The following CTF1 variants were observed in gnomAD, a reference collection of about 807,000 sequenced individuals.
The protein encoded by CTF1 is cardiotrophin-1.
A neutral mutation model predicts 10.9 loss-of-function variants in CTF1; 9 were observed. The ratio of observed to expected loss-of-function variants is 0.83; its 90% CI spans 0.50 to 1.44. The LOEUF (loss-of-function observed/expected upper bound fraction) is 1.44, where lower values mean the gene tolerates loss of function less well. Among genes scored for constraint, CTF1 ranks in the 40% most tolerant of loss-of-function variants. The pLI, the probability that CTF1 is intolerant of heterozygous loss-of-function variation, is 0.00. For missense variants in CTF1, 259 were observed against 275.3 expected, an observed-to-expected ratio of 0.94 and a Z score of 0.42; for synonymous variants, 133 against 138.8, an observed-to-expected ratio of 0.96 and a Z score of 0.29.
chr16:30,901,960 G>T, intron 2 of CTF1, 118 bp from the exon 3 acceptor site: 1 of 929,682 alleles, frequency 1.1e-6, no homozygotes. Context: ...TGTTAGGAGG[G>T]ATTATCATCT....
chr16:30,902,245 G>A lies in CTF1; in HGVS notation c.312G>A (p.Val104=). 1 of 1,121,298 alleles carries A rather than the reference G, an allele frequency of 8.9e-7. No individual in the cohort carries two copies. Among genetic ancestry groups the A allele is most frequent in the Non-Finnish European group, 1.1e-6 (1 of 919,574 alleles). 69.5% of individuals were successfully genotyped at this position (1,121,298 alleles called of 1,614,324 possible). Residue 104 remains valine (V), a synonymous_variant, in exon 3 of 3, where the codon GTG becomes GTA. Transcript: ENST00000279804. Reference sequence around the variant, plus strand: ...CGCTGCCCCCGCTGCTGGACGCAGTGTGTCGCCGCCAGGCCGAGCTGAACC... The same window carrying A: ...CGCTGCCCCCGCTGCTGGACGCAGTATGTCGCCGCCAGGCCGAGCTGAACC... ...LAALPPLLDA[V]CRRQAELNPR...
chr16:30,896,711 A>T, intron 1 of CTF1, 43 bp downstream of exon 1: 1 of 1,250,438 alleles, frequency 8.0e-7, no homozygotes, highest in South Asian at 3.8e-5. Flanking sequence ...TGAGGGGCGC[A>T]GGAGTCAGAG....
chr16:30,902,133 C>T lies in CTF1; in HGVS notation c.200C>T (p.Pro67Leu). ...CCCAGCTTCTCGCCGCCGCGGCTGCCGGTGGCCGGCCTGAGCGCCCCGGCT... is the reference window on the plus strand; with the variant it reads ...CCCAGCTTCTCGCCGCCGCGGCTGCTGGTGGCCGGCCTGAGCGCCCCGGCT... ...GLPSFSPPRL[P>L]VAGLSAPAPS... Residue 67 changes from proline to leucine, a missense_variant, in exon 3 of 3, where the codon CCG becomes CTG. Pro to Leu is a moderately conservative substitution (Grantham distance 98). Transcript: ENST00000279804. The T allele has an allele frequency of 7.1e-7, 1 of 1,408,756 alleles. No individual in the cohort carries two copies. Among genetic ancestry groups the T allele is most frequent in the East Asian group, 3.1e-5 (1 of 32,762 alleles). 87.3% of individuals were successfully genotyped at this position (1,408,756 alleles called of 1,614,324 possible). A position where few individuals can be genotyped will look rare whatever the true frequency, so the allele number is the denominator to read the frequency against.
chr16:30,902,025 G>GC, intron 2 of CTF1, 53 bp from the exon 3 acceptor site: 7 of 1,390,752 alleles, frequency 5.0e-6, no homozygotes, highest in East Asian at 3.1e-5. Flanking sequence ...CCAGTTAACA[G>GC]CCCCCTGCCC....
chr16:30,898,967 T>C (rs1427081156), intron 1 of CTF1, among the ~76,000 whole-genome samples: 1 of 152,196 alleles, frequency 6.6e-6, no homozygotes, highest in Non-Finnish European at 1.5e-5. Context: ...CCCTTTTCTA[T>C]GTTTAGATAC....
In CTF1 at chr16:30,902,457, T is replaced by A. The variant is rs1452146184; in HGVS notation, c.524T>A (p.Leu175His). 1.1e-5 allele frequency: 16 copies of A among 1,472,046 alleles called. No individual in the cohort carries two copies. Among genetic ancestry groups the A allele is most frequent in the Non-Finnish European group, 1.4e-5 (16 of 1,115,398 alleles). The allele number at this position is 1,472,046 out of a possible 1,614,324, so 91.2% of individuals were successfully genotyped here. ...TGVFPAKVLG[L>H]RVCGLYREWL... Reference sequence around the variant, plus strand: ...GTCTTCCCCGCCAAGGTGCTGGGGCTCCGCGTTTGCGGCCTCTACCGCGAG... The same window carrying A: ...GTCTTCCCCGCCAAGGTGCTGGGGCACCGCGTTTGCGGCCTCTACCGCGAG... Residue 175 changes from leucine to histidine, a missense_variant, in exon 3 of 3, where the codon CTC becomes CAC. Coordinates refer to ENST00000279804, the MANE Select transcript of CTF1 (RefSeq NM_001330.5).
rs145522836 is a variant in CTF1 at position 30,901,521 on chromosome 16, T to C, written c.145-557T>C. Reference sequence around the variant, plus strand: ...ACTCTTCCTGGGACCAGGCCCTGTCTTGAACACTTGACATGGTCATAACTG... The same window carrying C: ...ACTCTTCCTGGGACCAGGCCCTGTCCTGAACACTTGACATGGTCATAACTG... On this transcript the variant is annotated intron_variant, in intron 2 of 2. Coordinates refer to ENST00000279804, the MANE Select transcript of CTF1 (RefSeq NM_001330.5). 1.2e-4 allele frequency among the ~76,000 whole-genome samples: 18 copies of C among 152,336 alleles called. No individual in the cohort carries two copies. In the East Asian group the frequency reaches 3.1e-3, roughly 26 times the overall value.
chr16:30,898,000 G>A (rs938547696), intron 1 of CTF1, among the ~76,000 whole-genome samples: 5 of 149,492 alleles, frequency 3.3e-5, no homozygotes, highest in Non-Finnish European at 7.4e-5. Context: ...GACTACAGGC[G>A]TGTGCCACCA....
Position 30,902,385 on chromosome 16 carries a change from G to A in CTF1, c.452G>A (p.Arg151Gln). The part of the protein sequence containing the change: ...AALGAANRGP[R>Q]AEPPAATASA... ...CTGGGCGCCGCCAACCGCGGGCCCC[G>A]GGCCGAGCCCCCCGCCGCCACCGCC... The change falls in exon 3 of 3, where the codon CGG becomes CAG. Residue 151 changes from arginine (R) to glutamine (Q), a missense_variant. By Grantham distance (43) the Arg-to-Gln change is conservative. Coordinates refer to ENST00000279804, the MANE Select transcript of CTF1 (RefSeq NM_001330.5). 1 of 1,230,682 alleles carries A rather than the reference G, an allele frequency of 8.1e-7. No individual in the cohort carries two copies. The allele number at this position is 1,230,682 out of a possible 1,614,324, so 76.2% of individuals were successfully genotyped here.
rs552696104 is a variant in CTF1, at chr16:30,897,355, G to A, written c.25+687G>A. 4.0e-4 allele frequency among the ~76,000 whole-genome samples: 61 copies of A among 152,262 alleles called. 1 individual carries two copies. The highest frequency in any genetic ancestry group is 1.5e-3 in the African/African-American group (61 of 41,534). On this transcript the variant is annotated intron_variant, in intron 1 of 2. Transcript: ENST00000279804. ...AAAATGGGCCTTCAAGGCACATTTT[G>A]ATATGAAGTTCTGTACTTCGATGAT...
intron 2 of CTF1, among the ~76,000 whole-genome samples, chr16:30,899,783 G>A (rs910931298): frequency 6.6e-6 from 1 of 152,048 alleles, no homozygotes; most frequent in African/African-American, 2.4e-5. Flanking sequence ...AGGAGGCCTC[G>A]CTCTGTCGCC....
Position 30,896,777 on chromosome 16 carries a change from GC to G in CTF1, c.25+111del, listed in dbSNP as rs565273272. 6.9e-6 allele frequency: 7 copies of G among 1,019,394 alleles called. No homozygotes were observed. In the East Asian group the frequency reaches 2.3e-4, roughly 33 times the overall value. The allele number at this position is 1,019,394 out of a possible 1,614,324, so 63.1% of individuals were successfully genotyped here. A position where few individuals can be genotyped will look rare whatever the true frequency, so the allele number is the denominator to read the frequency against. On this transcript the variant is annotated intron_variant, in intron 1 of 2. Transcript: ENST00000279804. ...CACCCCCGGGTCCGGGAGGGGAGCG[GC>G]CTTGGCGGGGAAGGGCAGGGCTCCG...
chr16:30,899,348 C>T, intron 1 of CTF1, 67 bp from the exon 2 acceptor site: 1 of 969,700 alleles, frequency 1.0e-6, no homozygotes, highest in Non-Finnish European at 1.7e-6. Flanking sequence ...AACAAAGAGC[C>T]AGCGTGGGAG....
upstream of CTF1, among the ~76,000 whole-genome samples, chr16:30,895,967 T>A (rs1369964420): frequency 6.6e-6 from 1 of 150,390 alleles, no homozygotes; most frequent in Non-Finnish European, 1.5e-5. Context: ...GGATCATCCC[T>A]ATGTGCCTTC....
chr16:30,901,776 G>T (rs1310131050), intron 2 of CTF1, among the ~76,000 whole-genome samples: 1 of 143,044 alleles, frequency 7.0e-6, no homozygotes, highest in Non-Finnish European at 1.5e-5. Flanking sequence ...TAGAGCTGTG[G>T]TCTTGCTGTG....
At chr16:30,896,580 CT>C (rs2055351670), upstream of CTF1, 2 of 1,249,420 alleles carry the variant, frequency 1.6e-6, no homozygotes, top group South Asian at 7.5e-5. Flanking sequence ...GCCCCCAGCC[CT>C]TTCCCCTTTC....
intron 2 of CTF1, among the ~76,000 whole-genome samples, chr16:30,899,954 T>C (rs2055387746): frequency 6.6e-6 from 1 of 152,200 alleles, no homozygotes. Context: ...GGTCTTGCTG[T>C]ATTGCCCAGG....
chr16:30,902,581 C>A lies in CTF1; in HGVS notation c.*42C>A. On this transcript the variant is annotated 3_prime_UTR_variant, in exon 3 of 3. Transcript: ENST00000279804. ...CGCCCCGCCTCCTCCCGCTGGGTTC[C>A]GTCTCTCCTTCCGCTTCTTTGTCTT... 2 of 1,481,780 alleles carry A rather than the reference C, an allele frequency of 1.3e-6. No individual in the cohort carries two copies. Among genetic ancestry groups the A allele is most frequent in the Non-Finnish European group, 1.8e-6 (2 of 1,118,104 alleles). The allele number at this position is 1,481,780 out of a possible 1,614,324, so 91.8% of individuals were successfully genotyped here. A position where few individuals can be genotyped will look rare whatever the true frequency, so the allele number is the denominator to read the frequency against.
intron 1 of CTF1, among the ~76,000 whole-genome samples, chr16:30,896,939 T>G (rs2055357225): frequency 6.6e-6 from 1 of 150,602 alleles, no homozygotes; most frequent in Admixed American, 6.6e-5. Context: ...GGGGGAGGAC[T>G]GGGGTCGGGG....
Sources: allele counts gnomAD v4.1 joint callset (sites outside exome capture counted in the v4.1 genomes callset), GRCh38; gene constraint gnomAD v4.1.1; transcripts MANE v1.5; gene names NCBI Gene and HGNC (gene_info 2026-07-23, HGNC 2026-07-21).